The following USP10 variants were observed in gnomAD, a reference collection of about 807,000 sequenced individuals.
USP10 encodes ubiquitin carboxyl-terminal hydrolase 10.
USP10 carries 22 observed loss-of-function variants against 84.5 expected under a neutral mutation model. That is an observed-to-expected ratio of 0.26 (90% CI 0.19 to 0.37). USP10 has a LOEUF of 0.37. Among genes scored for constraint, USP10 ranks in the 10% least tolerant of loss-of-function variants. The pLI is 1.00. For synonymous variants in USP10, 454 were observed against 387.6 expected (o/e 1.17, Z -2.01); for missense variants, 1,019 against 998.9 (o/e 1.02, Z -0.27).
At chr16:84,726,870 C>T (rs112815274) in intron 1 of USP10, among the ~76,000 whole-genome samples, 1 of 152,252 alleles carries the variant, frequency 6.6e-6, no homozygotes, top group East Asian at 1.9e-4. Flanking sequence ...CCTATGCAAC[C>T]ACAGGACGCG....
chr16:84,779,106 C>A lies in USP10; in HGVS notation c.*24C>A. 1 of 1,596,674 alleles carries A rather than the reference C, an allele frequency of 6.3e-7. No individual in the cohort carries two copies. The highest frequency in any genetic ancestry group is 1.1e-5 in the South Asian group (1 of 90,174). ...AAACCCTGTGTGCGCTGTGTGTGCG[C>A]CCAGTGCCCGCTTCGTAGGACACCA... On this transcript the variant is annotated 3_prime_UTR_variant, in exon 14 of 14. Coordinates refer to ENST00000219473, the MANE Select transcript of USP10 (RefSeq NM_005153.3).
chr16:84,721,615 C>A (rs1435895929), intron 1 of USP10, among the ~76,000 whole-genome samples: 1 of 152,170 alleles, frequency 6.6e-6, no homozygotes, highest in South Asian at 2.1e-4. Context: ...GCAGCCTTGA[C>A]CTCCTGGGTT....
intron 3 of USP10, among the ~76,000 whole-genome samples, 189 bp from the exon 4 acceptor site, chr16:84,744,444 C>T (rs1174159967): frequency 6.6e-6 from 1 of 152,100 alleles, no homozygotes; most frequent in African/African-American, 2.4e-5. Flanking sequence ...TTTTCATATC[C>T]CCAAATTAAA....
In USP10 at chr16:84,715,849, A is replaced by G. The variant is rs557062447; in HGVS notation, c.21+15738A>G. Among the ~76,000 whole-genome samples the G allele has an allele frequency of 2.4e-4, 36 of 152,082 alleles. No individual in the cohort carries two copies. In the South Asian group the frequency reaches 5.0e-3, roughly 21 times the overall value. Reference sequence around the variant, plus strand: ...TCTTCATCTTTTCATTCTGCCTGTCAGTATTATCCCAGGGCTAGTTTCCCC... The same window carrying G: ...TCTTCATCTTTTCATTCTGCCTGTCGGTATTATCCCAGGGCTAGTTTCCCC... On this transcript the variant is annotated intron_variant, in intron 1 of 13. Transcript: ENST00000219473.
At chr16:84,775,934 C>G (rs897928901) in intron 13 of USP10, among the ~76,000 whole-genome samples, 3 of 152,074 alleles carry the variant, frequency 2.0e-5, no homozygotes, top group African/African-American at 7.2e-5. Context: ...TTGCTGTTTG[C>G]CGCACTTTTG....
At chr16:84,761,809 C>T (rs892547540) in intron 8 of USP10, among the ~76,000 whole-genome samples, 2 of 152,268 alleles carry the variant, frequency 1.3e-5, no homozygotes, top group African/African-American at 2.4e-5. Context: ...AATTCCCAGA[C>T]ACCAGCCAAG....
chr16:84,777,954 G>T (rs1280690393), intron 13 of USP10, among the ~76,000 whole-genome samples: 2 of 152,206 alleles, frequency 1.3e-5, no homozygotes, highest in Non-Finnish European at 2.9e-5. Context: ...AGGCAGACCT[G>T]TGCCCCTCTG....
At chr16:84,754,192 C>T (rs1282490209) in intron 4 of USP10, among the ~76,000 whole-genome samples, 1 of 152,058 alleles carries the variant, frequency 6.6e-6, no homozygotes, top group Non-Finnish European at 1.5e-5. Flanking sequence ...ATCTTGAGTG[C>T]CTTCTGTCGG....
chr16:84,717,432 C>G (rs996471832), intron 1 of USP10, among the ~76,000 whole-genome samples: 1 of 152,192 alleles, frequency 6.6e-6, no homozygotes, highest in Non-Finnish European at 1.5e-5. Flanking sequence ...TGTCCTCCTT[C>G]CCTGACCCCA....
chr16:84,700,041 A>C lies in USP10; in HGVS notation c.-50A>C. ...GCGAGAAGATGGCGGCGGCGGGGGA[A>C]GCAGCGTGAGCAGCCGGAGGATCGC... On this transcript the variant is annotated 5_prime_UTR_variant, in exon 1 of 14. Transcript: ENST00000219473. The C allele has an allele frequency of 7.4e-7, 1 of 1,343,448 alleles. No individual in the cohort carries two copies. Among genetic ancestry groups the C allele is most frequent in the Non-Finnish European group, 9.8e-7 (1 of 1,024,314 alleles). The allele number at this position is 1,343,448 out of a possible 1,614,324, so 83.2% of individuals were successfully genotyped here. A position where few individuals can be genotyped will look rare whatever the true frequency, so the allele number is the denominator to read the frequency against.
intron 8 of USP10, among the ~76,000 whole-genome samples, chr16:84,761,866 G>T (rs545320537): frequency 6.6e-6 from 1 of 152,384 alleles, no homozygotes; most frequent in East Asian, 1.9e-4. Flanking sequence ...ACCCAGGCCT[G>T]CTATGAAAAG....
rs371050830 is a variant in USP10, at chr16:84,745,356, C to A, written c.875C>A (p.Ser292Tyr). 9 of 1,613,074 alleles carry A rather than the reference C, an allele frequency of 5.6e-6. No individual in the cohort carries two copies. The highest frequency in any genetic ancestry group is 2.7e-5 in the African/African-American group (2 of 74,910). Residue 292 changes from serine (S) to tyrosine (Y), a missense_variant, in exon 4 of 14, where the codon TCC (serine) becomes TAC (tyrosine). By Grantham distance (144) the Ser-to-Tyr change is moderately radical (BLOSUM62 -2). This residue lies in a region of USP10 where 787 missense variants were observed against 708.8 expected (regional missense o/e 1.11). Transcript: ENST00000219473. ...LGVANGQILE[S>Y]SGEGTATNGV... is the part of the protein sequence containing the mutation. ...GTTGCTAATGGACAAATACTTGAAT[C>A]CTCGGGTGAGGGCACAGCTACCAAC...
chr16:84,778,083 GTAAA>G (rs1321748134), intron 13 of USP10, among the ~76,000 whole-genome samples: 2 of 148,372 alleles, frequency 1.3e-5, no homozygotes, highest in East Asian at 3.9e-4. Context: ...TTTTTTTTAA[GTAAA>G]TAACTGTGTG....
rs548630634 is a variant in USP10 at position 84,721,550 on chromosome 16, C to T, written c.22-11885C>T. 6.6e-5 allele frequency among the ~76,000 whole-genome samples: 10 copies of T among 152,156 alleles called. No individual in the cohort carries two copies. In the South Asian group the frequency reaches 1.7e-3, roughly 25 times the overall value. ...AGGTTTTTTGTCTTTGTTTTTCAGA[C>T]GAGGTCTTGCTCTGTCTCCCAGGCT... On this transcript the variant is annotated intron_variant, in intron 1 of 13. Transcript: ENST00000219473.
At chr16:84,703,008 A>AT (rs1205180561) in intron 1 of USP10, among the ~76,000 whole-genome samples, 1 of 150,688 alleles carries the variant, frequency 6.6e-6, no homozygotes, top group African/African-American at 2.4e-5. Context: ...AAAAAAAAAA[A>AT]AAAAAGAGCG....
At chr16:84,772,314 G>A (rs1286541113) in intron 11 of USP10, among the ~76,000 whole-genome samples, 1 of 152,158 alleles carries the variant, frequency 6.6e-6, no homozygotes, top group Non-Finnish European at 1.5e-5. Context: ...GCCTCCCAAA[G>A]TGCTGGGATT....
At chr16:84,770,796 A>G (rs1357925211) in intron 11 of USP10, among the ~76,000 whole-genome samples, 2 of 145,900 alleles carry the variant, frequency 1.4e-5, no homozygotes, top group Admixed American at 6.9e-5. Context: ...AAAAATCTCC[A>G]GTGGCTGATG....
intron 1 of USP10, chr16:84,704,714 C>T: frequency 6.7e-7 from 1 of 1,492,090 alleles, no homozygotes; most frequent in Admixed American, 2.3e-5. Flanking sequence ...TTTTTCTGAA[C>T]TGGCTATTTT....
intron 12 of USP10, among the ~76,000 whole-genome samples, chr16:84,773,803 C>T (rs1043224755): frequency 6.6e-6 from 1 of 152,236 alleles, no homozygotes; most frequent in African/African-American, 2.4e-5. Context: ...TCAAAGAAGG[C>T]ATCCTCGGCC....
Sources: gnomAD v4.1 joint callset for allele counts (sites outside exome capture counted in the v4.1 genomes callset) on GRCh38, gnomAD v4.1.1 for gene constraint, gnomAD v4.1.1 regional missense constraint, MANE v1.5 for transcripts, NCBI Gene and HGNC (gene_info 2026-07-23, HGNC 2026-07-21) for gene names.